Variants in CCDC3 observed in about 807,000 individuals in gnomAD.
The protein encoded by CCDC3 is coiled-coil domain containing 3, also known as coiled-coil domain-containing protein 3.
A neutral mutation model predicts 21.4 loss-of-function variants in CCDC3; 24 were observed. That is an observed-to-expected ratio of 1.12 (90% CI 0.81 to 1.58). The LOEUF (loss-of-function observed/expected upper bound fraction) is 1.58. Ranked by LOEUF, CCDC3 falls within the 40% of genes most tolerant of loss-of-function variation. CCDC3 has a pLI of 0.00. For synonymous variants in CCDC3, 186 were observed against 166.0 expected (o/e 1.12, Z -0.93); for missense variants, 425 against 360.9 (o/e 1.18, Z -1.44).
chr10:13,010,160 A>G (rs1835968064), intron 5 of CCDC3, among the ~76,000 whole-genome samples: 1 of 152,188 alleles, frequency 6.6e-6, no homozygotes, highest in Non-Finnish European at 1.5e-5. Flanking sequence ...AAGCAAGAGA[A>G]TCGCTTGAAC....
chr10:13,060,762 TC>T (rs931735124), intron 4 of CCDC3, among the ~76,000 whole-genome samples: 41 of 152,222 alleles, frequency 2.7e-4, no homozygotes, highest in African/African-American at 9.2e-4. Context: ...CTCTTCGGCC[TC>T]CCAAAGTGCT....
intron 3 of CCDC3, among the ~76,000 whole-genome samples, chr10:13,076,167 G>A (rs767256479): frequency 7.2e-5 from 11 of 152,246 alleles, no homozygotes; most frequent in Non-Finnish European, 1.5e-4. Context: ...GGGCAGAAGA[G>A]TCAAAGCTGC....
At position 12,914,504 on chromosome 10, in the gene CCDC3, G is replaced by C. The variant is rs76323238; in HGVS notation, c.550-15825C>G. Among the ~76,000 whole-genome samples, 196 of 152,180 alleles carry C rather than the reference G, an allele frequency of 1.3e-3. 3 individuals are homozygous for C. The East Asian group carries it at 0.026, about 20-fold the overall frequency. The stretch of plus-strand genomic sequence containing the variant: ...TCTGTCACCCAGGCTGAAGTGCAGT[G>C]GCGTGTCCTTGGCTCACTGCAACCT... On this transcript the variant is annotated intron_variant, in intron 2 of 2. Coordinates refer to ENST00000378825, the MANE Select transcript of CCDC3 (RefSeq NM_031455.4).
intron 2 of CCDC3, among the ~76,000 whole-genome samples, chr10:12,961,910 G>A (rs1057159528): frequency 6.6e-6 from 1 of 152,148 alleles, no homozygotes; most frequent in East Asian, 1.9e-4. Context: ...GGTATGCATA[G>A]GAGGAAATGT....
intron 2 of CCDC3, among the ~76,000 whole-genome samples, chr10:12,943,227 TAG>T (rs1258713813): frequency 6.6e-6 from 1 of 152,128 alleles, no homozygotes; most frequent in Non-Finnish European, 1.5e-5. Context: ...TTAATGAAAA[TAG>T]AGTGGTCAGC....
intron 2 of CCDC3, among the ~76,000 whole-genome samples, chr10:12,994,515 A>T (rs1209254389): frequency 6.6e-6 from 1 of 152,150 alleles, no homozygotes; most frequent in East Asian, 1.9e-4. Flanking sequence ...ACATAATACA[A>T]GAAAGTATCC....
At chr10:13,031,806 C>G (rs1212727416) in intron 5 of CCDC3, among the ~76,000 whole-genome samples, 2 of 152,184 alleles carry the variant, frequency 1.3e-5, no homozygotes, top group Non-Finnish European at 2.9e-5. Flanking sequence ...AGTTGAATCC[C>G]TGAATAGATC....
At chr10:13,022,718 A>T (rs1424665280) in intron 5 of CCDC3, among the ~76,000 whole-genome samples, 5 of 152,222 alleles carry the variant, frequency 3.3e-5, no homozygotes, top group African/African-American at 1.2e-4. Context: ...CTGACCATTT[A>T]TCAAATTAAT....
At chr10:13,008,771 C>G (rs549681278) in intron 5 of CCDC3, among the ~76,000 whole-genome samples, 12 of 152,252 alleles carry the variant, frequency 7.9e-5, no homozygotes, top group African/African-American at 2.9e-4. Flanking sequence ...AGTAAGTTAG[C>G]AATAGAAGGG....
chr10:12,951,576 C>T (rs892007407), intron 2 of CCDC3, among the ~76,000 whole-genome samples: 10 of 151,948 alleles, frequency 6.6e-5, no homozygotes, highest in Admixed American at 1.3e-4. Context: ...GAGGCTGAGA[C>T]GGGTGGATCA....
At chr10:12,944,331 G>A (rs1834881248) in intron 2 of CCDC3, among the ~76,000 whole-genome samples, 1 of 152,074 alleles carries the variant, frequency 6.6e-6, no homozygotes, top group African/African-American at 2.4e-5. Context: ...AAGAACCTTG[G>A]CTTCCACAAC....
At chr10:12,907,815 C>G (rs940490091) in intron 2 of CCDC3, among the ~76,000 whole-genome samples, 1 of 152,130 alleles carries the variant, frequency 6.6e-6, no homozygotes, top group South Asian at 2.1e-4. Flanking sequence ...TACCAAATCC[C>G]TTAAGAATTG....
chr10:12,917,069 G>T (rs188349653), intron 2 of CCDC3, among the ~76,000 whole-genome samples: 262 of 152,164 alleles, frequency 1.7e-3, no homozygotes, highest in African/African-American at 5.9e-3. Flanking sequence ...GGTCTGAGGC[G>T]AAGTCCAGAG....
At chr10:12,986,495 C>T (rs1276099769) in intron 2 of CCDC3, among the ~76,000 whole-genome samples, 1 of 152,136 alleles carries the variant, frequency 6.6e-6, no homozygotes, top group Non-Finnish European at 1.5e-5. Context: ...TCCCTGTAGG[C>T]CGGGCACAGT....
At chr10:13,082,938 C>A (rs1837060042) in intron 3 of CCDC3, among the ~76,000 whole-genome samples, 1 of 152,088 alleles carries the variant, frequency 6.6e-6, no homozygotes, top group Non-Finnish European at 1.5e-5. Context: ...TACAACTATT[C>A]CTCTTCTATG....
chr10:12,933,051 T>C (rs1248131119), intron 2 of CCDC3, among the ~76,000 whole-genome samples: 1 of 152,262 alleles, frequency 6.6e-6, no homozygotes, highest in Non-Finnish European at 1.5e-5. Context: ...ACTGTTGGAT[T>C]TGATTTGCAA....
Position 12,898,666 on chromosome 10 carries a change from G to A in CCDC3, c.563C>T (p.Ser188Leu). Residue 188 changes from serine to leucine, a missense_variant, in exon 3 of 3, where the codon TCG becomes TTG. Coordinates refer to ENST00000378825, the MANE Select transcript of CCDC3 (RefSeq NM_031455.4). The part of the protein sequence containing the change: ...IQEDSRLMCS[S>L]VQKALFEEED... ...CTCCTCAAACAAGGCCTTCTGCACC[G>A]AGGAGCACATGAGCTGGAGGCAGAG... The A allele has an allele frequency of 1.2e-6, 2 of 1,614,152 alleles. No homozygotes were observed. Among genetic ancestry groups the A allele is most frequent in the South Asian group, 1.1e-5 (1 of 91,080 alleles).
At chr10:12,899,904 T>C (rs935573581) in intron 2 of CCDC3, among the ~76,000 whole-genome samples, 33 of 152,328 alleles carry the variant, frequency 2.2e-4, no homozygotes, top group African/African-American at 7.9e-4. Flanking sequence ...CACCCAAATC[T>C]CATCTTGAAT....
intron 2 of CCDC3, among the ~76,000 whole-genome samples, chr10:12,942,690 T>C (rs577716132): frequency 6.6e-6 from 1 of 152,322 alleles, no homozygotes; most frequent in East Asian, 1.9e-4. Flanking sequence ...GCTATGCAAG[T>C]GGCACACCTG....
Sources: allele counts gnomAD v4.1 joint callset (sites outside exome capture counted in the v4.1 genomes callset), GRCh38; gene constraint gnomAD v4.1.1; transcripts MANE v1.5; gene names NCBI Gene and HGNC (gene_info 2026-07-23, HGNC 2026-07-21).